Variants in LAMA4 observed in about 807,000 individuals in gnomAD.
LAMA4 encodes the protein laminin subunit alpha-4.
LAMA4 carries 127 observed loss-of-function variants against 207.1 expected under a neutral mutation model. The ratio of observed to expected loss-of-function variants is 0.61; its 90% CI spans 0.53 to 0.71. The LOEUF is 0.71. Among genes scored for constraint, LAMA4 ranks in the 30% least tolerant of loss-of-function variants. The pLI is 0.00. For missense variants in LAMA4, 2,093 were observed against 2,246.5 expected (o/e 0.93, Z 1.38); for synonymous variants, 761 against 816.0 (o/e 0.93, Z 1.15).
At chr6:112,154,807 G>T in intron 16 of LAMA4, 44 bp downstream of exon 16, 1 of 1,166,968 alleles carries the variant, frequency 8.6e-7, no homozygotes, top group Non-Finnish European at 1.3e-6. Context: ...AAGGAGGGAA[G>T]CAGCTATAAA....
chr6:112,141,645 A>T (rs1369155221), intron 20 of LAMA4, 142 bp from the exon 21 acceptor site: 1 of 703,402 alleles, frequency 1.4e-6, no homozygotes, highest in Non-Finnish European at 2.5e-6. Flanking sequence ...AGCTCCTGTG[A>T]GCAGGCAGTG....
At chr6:112,203,367 C>T (rs1379829801) in intron 4 of LAMA4, among the ~76,000 whole-genome samples, 1 of 152,184 alleles carries the variant, frequency 6.6e-6, no homozygotes, top group Non-Finnish European at 1.5e-5. Context: ...CGTCTGTGGG[C>T]TCAGCTTCAT....
At chr6:112,227,688 A>G (rs959012439) in intron 2 of LAMA4, among the ~76,000 whole-genome samples, 6 of 152,134 alleles carry the variant, frequency 3.9e-5, no homozygotes, top group African/African-American at 1.4e-4. Flanking sequence ...TCCTTACTTA[A>G]TTTGTCCTTC....
At chr6:112,232,542 A>T (rs1388323381) in intron 2 of LAMA4, among the ~76,000 whole-genome samples, 3 of 152,148 alleles carry the variant, frequency 2.0e-5, no homozygotes, top group Non-Finnish European at 4.4e-5. Context: ...TAATGTGTAC[A>T]TTTCTTTTGA....
intron 7 of LAMA4, among the ~76,000 whole-genome samples, chr6:112,187,919 C>A (rs561635231): frequency 2.0e-5 from 3 of 152,156 alleles, no homozygotes; most frequent in African/African-American, 7.2e-5. Flanking sequence ...ACTTCAGCAC[C>A]GGGAGGTCTG....
intron 16 of LAMA4, among the ~76,000 whole-genome samples, chr6:112,152,958 A>G (rs1192891053): frequency 1.3e-5 from 2 of 152,100 alleles, no homozygotes; most frequent in African/African-American, 4.8e-5. Context: ...ATTTAACTCT[A>G]TATTTGGAGC....
intron 2 of LAMA4, among the ~76,000 whole-genome samples, chr6:112,220,719 C>A (rs560611149): frequency 3.9e-5 from 6 of 152,232 alleles, no homozygotes; most frequent in African/African-American, 1.4e-4. Context: ...GTCATACCAA[C>A]AATACTGTCA....
At chr6:112,207,518 A>AAACCAACCAACGAACCAACCAACCAACC (rs1554354793) in intron 3 of LAMA4, among the ~76,000 whole-genome samples, 3,716 of 152,014 alleles carry the variant, frequency 0.024, 139 homozygotes, top group African/African-American at 0.085. Context: ...ATGAAATGAG[A>AAACCAACCAACGAACCAACCAACCAACC]AACCAACCAA....
intron 2 of LAMA4, among the ~76,000 whole-genome samples, chr6:112,230,246 A>T (rs1554364025): frequency 6.6e-6 from 1 of 152,224 alleles, no homozygotes; most frequent in Non-Finnish European, 1.5e-5. Flanking sequence ...ATGTGCTTAC[A>T]TTTAAGATAG....
At chr6:112,163,194 G>A (rs1781174195) in intron 13 of LAMA4, among the ~76,000 whole-genome samples, 1 of 151,830 alleles carries the variant, frequency 6.6e-6, no homozygotes, top group African/African-American at 2.4e-5. Context: ...TTCCCAGGCT[G>A]GTCTTGAACT....
intron 3 of LAMA4, among the ~76,000 whole-genome samples, chr6:112,209,365 C>T (rs782437786): frequency 3.9e-5 from 6 of 152,190 alleles, no homozygotes; most frequent in Admixed American, 6.5e-5. Context: ...GATTCCTTGT[C>T]AGGGCTTTAA....
At chr6:112,139,697 A>G (rs1225640076) in intron 23 of LAMA4, 55 bp downstream of exon 23, 2 of 1,596,816 alleles carry the variant, frequency 1.3e-6, no homozygotes, top group East Asian at 4.5e-5. Flanking sequence ...TACTTGTTCT[A>G]TCTGCTGCTC....
intron 32 of LAMA4, 130 bp downstream of exon 32, chr6:112,121,884 T>C: frequency 2.6e-6 from 2 of 778,556 alleles, no homozygotes; most frequent in South Asian, 1.4e-5. Context: ...TTAGTGTTTA[T>C]TTTGGTGATA....
rs1472331555 is a variant in LAMA4, at chr6:112,138,709, G to A, written c.3282+411C>T. ...TACACATGTATCATTTATAAACAAA[G>A]ATATATATGTGTGTGTGTGTACATA... is the stretch of plus-strand genomic sequence containing the variant. On this transcript the variant is annotated intron_variant, in intron 24 of 38. Coordinates refer to ENST00000230538, the MANE Select transcript of LAMA4 (RefSeq NM_001105206.3). Among the ~76,000 whole-genome samples, 9 of 151,944 alleles carry A rather than the reference G, an allele frequency of 5.9e-5. No individual in the cohort carries two copies. The South Asian group carries it at 1.0e-3, about 18-fold the overall frequency.
intron 5 of LAMA4, among the ~76,000 whole-genome samples, chr6:112,200,771 C>T (rs1554352148): frequency 7.9e-5 from 12 of 152,120 alleles, no homozygotes. Context: ...TCTTAACAAA[C>T]TAACACAGGA....
intron 14 of LAMA4, 67 bp from the exon 15 acceptor site, chr6:112,155,773 C>A: frequency 6.5e-7 from 1 of 1,549,524 alleles, no homozygotes; most frequent in Non-Finnish European, 8.9e-7. Context: ...ATGTTTAATG[C>A]TTGCTTTTTA....
At chr6:112,144,060 C>G (rs1554333943) in intron 19 of LAMA4, among the ~76,000 whole-genome samples, 2 of 152,124 alleles carry the variant, frequency 1.3e-5, no homozygotes, top group Non-Finnish European at 2.9e-5. Context: ...GAAAATAAAA[C>G]CATATACTTT....
intron 21 of LAMA4, 133 bp from the exon 22 acceptor site, chr6:112,141,055 C>T (rs1779661744): frequency 3.8e-6 from 3 of 789,210 alleles, no homozygotes; most frequent in Non-Finnish European, 2.1e-6. Flanking sequence ...CAAAATACCA[C>T]AATCAATGAG....
chr6:112,110,171 G>T (rs587605261), intron 38 of LAMA4, among the ~76,000 whole-genome samples: 1 of 151,596 alleles, frequency 6.6e-6, no homozygotes, highest in African/African-American at 2.4e-5. Flanking sequence ...GTGGGCACAA[G>T]TGCCCTGTGG....
Sources: allele counts gnomAD v4.1 joint callset (sites outside exome capture counted in the v4.1 genomes callset), GRCh38; gene constraint gnomAD v4.1.1; transcripts MANE v1.5; gene names NCBI Gene and HGNC (gene_info 2026-07-23, HGNC 2026-07-21).